The following LRMDA variants were observed in gnomAD, a reference collection of about 807,000 sequenced individuals.
LRMDA encodes leucine rich melanocyte differentiation associated, also known as leucine-rich melanocyte differentiation-associated protein.
A neutral mutation model predicts 29.8 loss-of-function variants in LRMDA; 18 were observed. That is an observed-to-expected ratio of 0.60 (90% CI 0.42 to 0.90). The LOEUF is 0.90. Ranked by LOEUF, LRMDA falls within the 40% of genes least tolerant of loss-of-function variation. The pLI is 0.00. For missense variants in LRMDA, 273 were observed against 273.9 expected, an observed-to-expected ratio of 1.00 and a Z score of 0.02; for synonymous variants, 125 against 109.4, an observed-to-expected ratio of 1.14 and a Z score of -0.89.
At chr10:75,486,177 T>G (rs569356131) in intron 2 of LRMDA, among the ~76,000 whole-genome samples, 1 of 152,354 alleles carries the variant, frequency 6.6e-6, no homozygotes, top group Non-Finnish European at 1.5e-5. Context: ...CTGTGAAATG[T>G]GATCAGAGAA....
chr10:75,853,184 C>T (rs1003467457), intron 2 of LRMDA, among the ~76,000 whole-genome samples: 9 of 152,078 alleles, frequency 5.9e-5, no homozygotes, highest in African/African-American at 2.2e-4. Context: ...ACAGCCAAAC[C>T]ATATCAGAAG....
intron 2 of LRMDA, among the ~76,000 whole-genome samples, chr10:76,034,432 G>A (rs758086104): frequency 5.9e-5 from 9 of 152,152 alleles, no homozygotes; most frequent in Non-Finnish European, 1.3e-4. Context: ...GTCCCCCCTC[G>A]GTGGGGCTGG....
intron 2 of LRMDA, among the ~76,000 whole-genome samples, chr10:75,452,575 CTT>C (rs10636455): frequency 5.1e-5 from 6 of 117,316 alleles, no homozygotes; most frequent in South Asian, 2.7e-4. Context: ...CAGGATATGA[CTT>C]TTTTTTTTTT....
intron 2 of LRMDA, among the ~76,000 whole-genome samples, chr10:75,893,584 C>T (rs1845531399): frequency 1.3e-5 from 2 of 152,206 alleles, no homozygotes; most frequent in South Asian, 2.1e-4. Flanking sequence ...ACCTGGTGAA[C>T]TGTTGAAAAC....
intron 6 of LRMDA, among the ~76,000 whole-genome samples, chr10:76,335,301 C>T (rs1840953697): frequency 6.6e-6 from 1 of 152,098 alleles, no homozygotes; most frequent in Non-Finnish European, 1.5e-5. Context: ...TCATATGTCT[C>T]CCACATGAGG....
intron 5 of LRMDA, among the ~76,000 whole-genome samples, chr10:76,086,318 T>A (rs1293759514): frequency 6.6e-6 from 1 of 152,204 alleles, no homozygotes; most frequent in Non-Finnish European, 1.5e-5. Flanking sequence ...CTTCAGGGAC[T>A]TCTAGGGAAT....
intron 2 of LRMDA, among the ~76,000 whole-genome samples, chr10:75,887,741 T>A (rs559244227): frequency 3.3e-5 from 5 of 152,250 alleles, no homozygotes; most frequent in Admixed American, 2.0e-4. Context: ...GCATATCTGG[T>A]TCATATCACT....
intron 2 of LRMDA, among the ~76,000 whole-genome samples, chr10:75,871,876 T>G (rs1845117437): frequency 6.6e-6 from 1 of 152,224 alleles, no homozygotes. Flanking sequence ...GTCTTATTCA[T>G]CTTTGTTTCT....
At chr10:75,606,293 A>G (rs1303843064) in intron 2 of LRMDA, among the ~76,000 whole-genome samples, 1 of 152,218 alleles carries the variant, frequency 6.6e-6, no homozygotes, top group African/African-American at 2.4e-5. Context: ...AGAAGGTAGA[A>G]TATTAACTCT....
intron 2 of LRMDA, among the ~76,000 whole-genome samples, chr10:75,860,263 C>T (rs1407736): frequency 0.75 from 112,335 of 150,058 alleles, 42,402 homozygotes; most frequent in East Asian, 0.98. Context: ...CTGAGGACTA[C>T]GCTCGATTCC....
In LRMDA at chr10:76,220,446, C is replaced by T. The variant is rs371957299; in HGVS notation, c.517-103955C>T. 9.1e-3 allele frequency among the ~76,000 whole-genome samples: 1,385 copies of T among 152,058 alleles called. 14 individuals are homozygous for T. The highest frequency in any genetic ancestry group is 0.034 in the Middle Eastern group (10 of 292). On this transcript the variant is annotated intron_variant, in intron 5 of 6. Transcript: ENST00000611255. ...AAAATGATAAAGGGGATATCACCACCGATCCCACAGAAATACAAACTACGA... is the reference window on the plus strand; with the variant it reads ...AAAATGATAAAGGGGATATCACCACTGATCCCACAGAAATACAAACTACGA...
intron 2 of LRMDA, among the ~76,000 whole-genome samples, chr10:75,972,079 G>A (rs908521555): frequency 7.9e-5 from 12 of 152,186 alleles, no homozygotes; most frequent in Non-Finnish European, 1.6e-4. Flanking sequence ...CTGGCTCTTG[G>A]ATGTATCGCT....
At chr10:75,750,322 G>A (rs1313610120) in intron 2 of LRMDA, among the ~76,000 whole-genome samples, 4 of 151,826 alleles carry the variant, frequency 2.6e-5, no homozygotes, top group Non-Finnish European at 5.9e-5. Context: ...CCTCCCGGAC[G>A]GGGCAGCTGC....
intron 5 of LRMDA, among the ~76,000 whole-genome samples, chr10:76,139,594 T>C (rs1850162102): frequency 6.6e-6 from 1 of 152,206 alleles, no homozygotes; most frequent in Non-Finnish European, 1.5e-5. Context: ...GAAGCTCTTG[T>C]GGTTTGTCTA....
chr10:76,346,990 G>A (rs528225432), intron 6 of LRMDA, among the ~76,000 whole-genome samples: 14 of 152,220 alleles, frequency 9.2e-5, no homozygotes, highest in African/African-American at 2.4e-4. Flanking sequence ...CTTTATGAGC[G>A]TCAATTATCA....
At chr10:76,210,260 A>G (rs1402696634) in intron 5 of LRMDA, among the ~76,000 whole-genome samples, 3 of 152,222 alleles carry the variant, frequency 2.0e-5, no homozygotes, top group African/African-American at 7.2e-5. Flanking sequence ...CCCTGCTACT[A>G]CAACAAGCAG....
At chr10:75,823,595 C>T (rs555700656) in intron 2 of LRMDA, among the ~76,000 whole-genome samples, 3 of 151,976 alleles carry the variant, frequency 2.0e-5, no homozygotes, top group Non-Finnish European at 4.4e-5. Flanking sequence ...TAGAACTACC[C>T]TTTGATCTTG....
chr10:75,612,227 T>C (rs1274079901), intron 2 of LRMDA, among the ~76,000 whole-genome samples: 1 of 152,232 alleles, frequency 6.6e-6, no homozygotes, highest in African/African-American at 2.4e-5. Flanking sequence ...TGAAGACTAG[T>C]TGAAATATTT....
At chr10:76,264,675 G>A (rs574612106) in intron 5 of LRMDA, among the ~76,000 whole-genome samples, 1 of 152,136 alleles carries the variant, frequency 6.6e-6, no homozygotes, top group South Asian at 2.1e-4. Context: ...TAATTCTTTG[G>A]GAGAGGAGTC....
Sources: gnomAD v4.1 joint callset for allele counts (sites outside exome capture counted in the v4.1 genomes callset) on GRCh38, gnomAD v4.1.1 for gene constraint, MANE v1.5 for transcripts, NCBI Gene and HGNC (gene_info 2026-07-23, HGNC 2026-07-21) for gene names.